Variants in TMEM132C observed in about 807,000 individuals in gnomAD.
TMEM132C encodes protein phosphatase 1, regulatory subunit 152.
A neutral mutation model predicts 61.4 loss-of-function variants in TMEM132C; 29 were observed. That is an observed-to-expected ratio of 0.47 (90% CI 0.35 to 0.64). The LOEUF (loss-of-function observed/expected upper bound fraction) is 0.64. Among genes scored for constraint, TMEM132C ranks in the 30% least tolerant of loss-of-function variants. The probability of loss-of-function intolerance (pLI) is 0.00; values close to 1 mark genes in which losing one functional copy is unlikely to be tolerated. For synonymous variants in TMEM132C, 656 were observed against 633.1 expected, an observed-to-expected ratio of 1.04 and a Z score of -0.54; for missense variants, 1,408 against 1,476.9, an observed-to-expected ratio of 0.95 and a Z score of 0.76.
At chr12:128,639,959 A>G (rs773953976) in intron 4 of TMEM132C, among the ~76,000 whole-genome samples, 13 of 152,202 alleles carry the variant, frequency 8.5e-5, no homozygotes, top group Non-Finnish European at 1.8e-4. Flanking sequence ...GTTCATACTT[A>G]TTGTTTGGGA....
At chr12:128,292,161 G>T (rs1471450387) in intron 1 of TMEM132C, among the ~76,000 whole-genome samples, 1 of 152,108 alleles carries the variant, frequency 6.6e-6, no homozygotes, top group Non-Finnish European at 1.5e-5. Context: ...ATTTTGTTTT[G>T]TTTTGTTTTT....
intron 1 of TMEM132C, among the ~76,000 whole-genome samples, chr12:128,336,562 CA>C (rs1365278701): frequency 1.3e-5 from 2 of 152,156 alleles, no homozygotes; most frequent in African/African-American, 4.8e-5. Context: ...AAATATGTAT[CA>C]TTTTTTTCTC....
At chr12:128,616,723 CT>C (rs1876813439) in intron 4 of TMEM132C, among the ~76,000 whole-genome samples, 2 of 152,214 alleles carry the variant, frequency 1.3e-5, no homozygotes, top group African/African-American at 4.8e-5. Flanking sequence ...CCTTCATCTC[CT>C]CTTTCCTTAG....
chr12:128,295,125 A>T lies in TMEM132C; in HGVS notation c.85+27638A>T, dbSNP rs1161134420. Among the ~76,000 whole-genome samples, 4 of 152,270 alleles carry T rather than the reference A, an allele frequency of 2.6e-5. No homozygotes were observed. In the South Asian group the frequency reaches 6.2e-4, roughly 24 times the overall value. ...GTATACAAATAGATGCCAGTACTCA[A>T]GTGCCCCAAGGTTCTTTGAAATTCT... On this transcript the variant is annotated intron_variant, in intron 1 of 8. Coordinates refer to ENST00000435159, the MANE Select transcript of TMEM132C (RefSeq NM_001136103.3).
chr12:128,693,957 G>C lies in TMEM132C; in HGVS notation c.1578G>C (p.Leu526=), dbSNP rs1272544827. Residue 526 remains leucine, a synonymous_variant, in exon 6 of 9, where the codon CTG becomes CTC. Transcript: ENST00000435159. ...PLCVTVWVPR[L]PLQIEVSDTE... is the part of the protein sequence containing the mutation. The stretch of plus-strand genomic sequence containing the variant: ...GTGTCACCGTGTGGGTGCCCCGGCT[G>C]CCCCTGCAGATCGAGGTCTCTGACA... 1.3e-6 allele frequency: 2 copies of C among 1,551,780 alleles called. No individual in the cohort carries two copies. Among genetic ancestry groups the C allele is most frequent in the Non-Finnish European group, 1.7e-6 (2 of 1,147,014 alleles).
At chr12:128,696,164 G>T (rs544369970) in intron 7 of TMEM132C, 61 bp downstream of exon 7, 164 of 1,506,412 alleles carry the variant, frequency 1.1e-4, no homozygotes, top group Non-Finnish European at 1.3e-4. Flanking sequence ...TTGAGGGAGA[G>T]TCAATGGGTG....
rs1393848962 is a variant in TMEM132C at position 128,353,540 on chromosome 12, C to A, written c.86-61192C>A. ...GAGGACAGGTCAACAAAGGAGGACT[C>A]AGAAGAGCCGTTTTATTTATTGCCC... On this transcript the variant is annotated intron_variant, in intron 1 of 8. Coordinates refer to ENST00000435159, the MANE Select transcript of TMEM132C (RefSeq NM_001136103.3). Among the ~76,000 whole-genome samples the A allele has an allele frequency of 2.6e-5, 4 of 152,318 alleles. No individual in the cohort carries two copies. In the East Asian group the frequency reaches 7.7e-4, roughly 29 times the overall value.
chr12:128,532,972 C>G (rs762269563), intron 2 of TMEM132C, among the ~76,000 whole-genome samples: 4 of 152,192 alleles, frequency 2.6e-5, no homozygotes, highest in African/African-American at 4.8e-5. Context: ...ACCCACAGCC[C>G]CCTTCCTTTA....
intron 2 of TMEM132C, among the ~76,000 whole-genome samples, chr12:128,541,525 G>T (rs1873751351): frequency 6.6e-6 from 1 of 152,140 alleles, no homozygotes; most frequent in Non-Finnish European, 1.5e-5. Flanking sequence ...CACCTCCTTA[G>T]TGCACAAGAA....
At chr12:128,285,849 C>G (rs1309398) in intron 1 of TMEM132C, among the ~76,000 whole-genome samples, 1 of 73,856 alleles carries the variant, frequency 1.4e-5, no homozygotes, top group Non-Finnish European at 2.4e-5. Context: ...CTATCCCTCT[C>G]TCCCTTTCTC....
chr12:128,351,871 C>T (rs1005766841), intron 1 of TMEM132C, among the ~76,000 whole-genome samples: 5 of 152,088 alleles, frequency 3.3e-5, no homozygotes, highest in Admixed American at 6.5e-5. Context: ...GAAAGCAGAG[C>T]GATGTCATAC....
chr12:128,564,947 ATAT>A (rs1301749676), intron 3 of TMEM132C, among the ~76,000 whole-genome samples: 5 of 152,194 alleles, frequency 3.3e-5, no homozygotes, highest in Admixed American at 1.3e-4. Context: ...TTTTTAACCA[ATAT>A]TATGGGATAT....
At chr12:128,567,615 G>A (rs7967584) in intron 3 of TMEM132C, among the ~76,000 whole-genome samples, 6,264 of 144,386 alleles carry the variant, frequency 0.043, 431 homozygotes, top group African/African-American at 0.17. Flanking sequence ...CTGAGGAAAA[G>A]AATATGTCAC....
chr12:128,644,188 AT>A (rs945308654), intron 4 of TMEM132C, among the ~76,000 whole-genome samples: 1 of 152,316 alleles, frequency 6.6e-6, no homozygotes, highest in Non-Finnish European at 1.5e-5. Context: ...TTGGAAAACA[AT>A]TTGCCAGTTT....
At chr12:128,353,284 T>G (rs565079895) in intron 1 of TMEM132C, among the ~76,000 whole-genome samples, 4 of 152,192 alleles carry the variant, frequency 2.6e-5, no homozygotes, top group African/African-American at 9.6e-5. Context: ...AAACACCTGC[T>G]TCTCCCTGTC....
chr12:128,637,300 T>G (rs1954111800), intron 4 of TMEM132C, among the ~76,000 whole-genome samples: 1 of 152,212 alleles, frequency 6.6e-6, no homozygotes, highest in Non-Finnish European at 1.5e-5. Flanking sequence ...GCTCCTTAAG[T>G]CATCCCGAAA....
chr12:128,538,827 C>G (rs914320379), intron 2 of TMEM132C, among the ~76,000 whole-genome samples: 1 of 152,124 alleles, frequency 6.6e-6, no homozygotes, highest in Non-Finnish European at 1.5e-5. Flanking sequence ...CTCCATCCCT[C>G]AAGTATAATA....
chr12:128,566,389 G>T lies in TMEM132C; in HGVS notation c.1121+22286G>T, dbSNP rs141058693. Among the ~76,000 whole-genome samples, 28 of 152,220 alleles carry T rather than the reference G, an allele frequency of 1.8e-4. No homozygotes were observed. The East Asian group carries it at 4.1e-3, about 22-fold the overall frequency. On this transcript the variant is annotated intron_variant, in intron 3 of 8. Transcript: ENST00000435159. ...ATTGTTTGGGGGAGGTTTTCCTAAA[G>T]AACCTATTGACTTTTTGGACCTGAG... is the stretch of plus-strand genomic sequence containing the variant.
intron 3 of TMEM132C, among the ~76,000 whole-genome samples, chr12:128,591,556 C>A (rs1202658938): frequency 6.6e-6 from 1 of 152,082 alleles, no homozygotes; most frequent in Admixed American, 6.5e-5. Context: ...CTAGAAACAT[C>A]CTTGTAGAGG....
Sources: gnomAD v4.1 joint callset for allele counts (sites outside exome capture counted in the v4.1 genomes callset) on GRCh38, gnomAD v4.1.1 for gene constraint, MANE v1.5 for transcripts, NCBI Gene and HGNC (gene_info 2026-07-23, HGNC 2026-07-21) for gene names.